Variants in GRIP1 observed in about 807,000 individuals in gnomAD.
GRIP1 encodes the protein glutamate receptor interacting protein 1.
Under a neutral mutation model 129.9 loss-of-function variants are expected in GRIP1, and 45 were observed. The observed-to-expected ratio is 0.35, with a 90% confidence interval of 0.27 to 0.44. GRIP1 has a LOEUF of 0.44. Among genes scored for constraint, GRIP1 ranks in the 20% least tolerant of loss-of-function variants. The probability of loss-of-function intolerance (pLI) is 1.00; values close to 1 mark genes in which losing one functional copy is unlikely to be tolerated. For missense variants in GRIP1, 1,196 were observed against 1,396.8 expected, an observed-to-expected ratio of 0.86 and a Z score of 2.29; for synonymous variants, 530 against 520.8, an observed-to-expected ratio of 1.02 and a Z score of -0.24.
At chr12:66,442,521 T>A (rs936865454) in intron 13 of GRIP1, among the ~76,000 whole-genome samples, 2 of 152,150 alleles carry the variant, frequency 1.3e-5, no homozygotes, top group Non-Finnish European at 2.9e-5. Context: ...TAAATTTATA[T>A]TTGTTAATTT....
chr12:66,649,279 C>T (rs1220695110), intron 1 of GRIP1, among the ~76,000 whole-genome samples: 1 of 152,178 alleles, frequency 6.6e-6, no homozygotes, highest in East Asian at 1.9e-4. Flanking sequence ...AGGCAACCCA[C>T]TTCCTGAAGA....
chr12:66,667,676 A>C (rs1461020345), intron 1 of GRIP1, among the ~76,000 whole-genome samples: 1 of 152,012 alleles, frequency 6.6e-6, no homozygotes, highest in Non-Finnish European at 1.5e-5. Flanking sequence ...CTATTCCTCA[A>C]CTCCACACCA....
chr12:66,633,302 C>CACTACACTATACTAT (rs2031019003), intron 1 of GRIP1, among the ~76,000 whole-genome samples: 1 of 145,266 alleles, frequency 6.9e-6, no homozygotes, highest in African/African-American at 2.5e-5. Context: ...TACCATACTA[C>CACTACACTATACTAT]ACTATACTAT....
chr12:67,054,433 T>C (rs1247278018), intron 1 of GRIP1, among the ~76,000 whole-genome samples: 2 of 152,036 alleles, frequency 1.3e-5, no homozygotes, highest in Admixed American at 6.6e-5. Flanking sequence ...GAGTAAAATA[T>C]ATAGTTTGTC....
chr12:66,480,479 A>G (rs2059769545), intron 7 of GRIP1, among the ~76,000 whole-genome samples: 1 of 152,210 alleles, frequency 6.6e-6, no homozygotes, highest in Non-Finnish European at 1.5e-5. Context: ...GAAAATGGCC[A>G]TACTACCTAA....
At chr12:66,620,941 C>T (rs2065243807) in intron 1 of GRIP1, among the ~76,000 whole-genome samples, 1 of 152,136 alleles carries the variant, frequency 6.6e-6, no homozygotes, top group Admixed American at 6.6e-5. Flanking sequence ...TTCCCTAATT[C>T]ACTCAGGTTT....
At chr12:66,748,007 CAG>C (rs1031476009) in intron 1 of GRIP1, among the ~76,000 whole-genome samples, 3 of 151,600 alleles carry the variant, frequency 2.0e-5, no homozygotes, top group Non-Finnish European at 4.4e-5. Context: ...TGTTTATTGT[CAG>C]TGTGTGTGTG....
chr12:67,037,065 C>G (rs2043106753), intron 1 of GRIP1, among the ~76,000 whole-genome samples: 1 of 152,136 alleles, frequency 6.6e-6, no homozygotes, highest in South Asian at 2.1e-4. Context: ...GGCGCAGTGG[C>G]TCACGCCTGC....
At chr12:66,629,888 C>A (rs928363476) in intron 1 of GRIP1, among the ~76,000 whole-genome samples, 1 of 152,190 alleles carries the variant, frequency 6.6e-6, no homozygotes, top group Non-Finnish European at 1.5e-5. Context: ...AAAAGACCCA[C>A]AAGCCAGTTT....
At position 66,788,217 on chromosome 12, in the gene GRIP1, C is replaced by CA. The variant is rs547001121; in HGVS notation, c.-420+15835dup. On this transcript the variant is annotated intron_variant, in intron 1 of 4. Coordinates refer to the GRIP1 transcript ENST00000538373. ...CACTGAGACTCTTTTTTGTTAAATA[C>CA]AAAAAACACAAAAATAAAATACTTT... 3.4e-5 allele frequency among the ~76,000 whole-genome samples: 5 copies of CA among 149,160 alleles called. No individual in the cohort carries two copies. The South Asian group carries it at 8.4e-4, about 25-fold the overall frequency.
intron 1 of GRIP1, among the ~76,000 whole-genome samples, chr12:66,730,340 T>A (rs2036394010): frequency 6.6e-6 from 1 of 152,152 alleles, no homozygotes; most frequent in Non-Finnish European, 1.5e-5. Context: ...ATCCTGCAAA[T>A]TGTTTCATAA....
chr12:66,605,625 C>T (rs899101270), intron 1 of GRIP1, among the ~76,000 whole-genome samples: 1 of 152,174 alleles, frequency 6.6e-6, no homozygotes, highest in Non-Finnish European at 1.5e-5. Flanking sequence ...AATGCTCTCA[C>T]CTGTTGCTCT....
chr12:66,707,083 T>C (rs1187811006), intron 1 of GRIP1, among the ~76,000 whole-genome samples: 1 of 151,860 alleles, frequency 6.6e-6, no homozygotes, highest in Non-Finnish European at 1.5e-5. Context: ...TGTTCTTTAG[T>C]AGGGAAAAAA....
intron 7 of GRIP1, among the ~76,000 whole-genome samples, chr12:66,479,718 A>G (rs11176216): frequency 0.35 from 52,760 of 152,074 alleles, 9,632 homozygotes; most frequent in Non-Finnish European, 0.41. Context: ...AAGCTTATCC[A>G]CAATGATCAA....
At chr12:66,905,772 T>C (rs2040921611) in intron 1 of GRIP1, among the ~76,000 whole-genome samples, 2 of 152,236 alleles carry the variant, frequency 1.3e-5, no homozygotes, top group African/African-American at 4.8e-5. Context: ...CTCTTGGCAA[T>C]GCTCAGTGAG....
chr12:66,848,376 A>G (rs1038378298), intron 1 of GRIP1, among the ~76,000 whole-genome samples: 1 of 152,108 alleles, frequency 6.6e-6, no homozygotes, highest in African/African-American at 2.4e-5. Flanking sequence ...TGAACACTAT[A>G]CAGGGCCCTA....
At chr12:66,809,481 T>G (rs2039061045) in intron 1 of GRIP1, among the ~76,000 whole-genome samples, 1 of 152,132 alleles carries the variant, frequency 6.6e-6, no homozygotes, top group Admixed American at 6.5e-5. Flanking sequence ...TTGGGAGAGA[T>G]ACCCTGACCT....
At chr12:66,825,257 C>T (rs1334356330) in intron 1 of GRIP1, among the ~76,000 whole-genome samples, 1 of 152,078 alleles carries the variant, frequency 6.6e-6, no homozygotes, top group Admixed American at 6.6e-5. Context: ...TTTTTTCATG[C>T]CATAAAAATT....
chr12:67,029,771 G>A (rs1449643300), intron 1 of GRIP1, among the ~76,000 whole-genome samples: 2 of 151,972 alleles, frequency 1.3e-5, no homozygotes, highest in Non-Finnish European at 2.9e-5. Context: ...CTTAACTAGT[G>A]ATACTGCAGG....
Sources: gnomAD v4.1 joint callset for allele counts (sites outside exome capture counted in the v4.1 genomes callset) on GRCh38, gnomAD v4.1.1 for gene constraint, MANE v1.5 for transcripts, NCBI Gene and HGNC (gene_info 2026-07-23, HGNC 2026-07-21) for gene names.